The following PDE5A variants were observed in gnomAD, a reference collection of about 807,000 sequenced individuals.
PDE5A encodes the protein cGMP-specific 3',5'-cyclic phosphodiesterase.
A neutral mutation model predicts 110.2 loss-of-function variants in PDE5A; 67 were observed. The ratio of observed to expected loss-of-function variants is 0.61; its 90% CI spans 0.50 to 0.75. PDE5A has a LOEUF of 0.75. Among genes scored for constraint, PDE5A ranks in the 30% least tolerant of loss-of-function variants. PDE5A has a pLI of 0.00. For synonymous variants in PDE5A, 328 were observed against 351.2 expected (o/e 0.93, Z 0.74); for missense variants, 862 against 1,045.1 (o/e 0.82, Z 2.42).
At position 119,525,784 on chromosome 4, in the gene PDE5A, G is replaced by T; in HGVS notation, c.1633-89C>A. 1.5e-6 allele frequency: 2 copies of T among 1,298,168 alleles called. No individual in the cohort carries two copies. The highest frequency in any genetic ancestry group is 2.1e-6 in the Non-Finnish European group (2 of 941,978). 80.4% of individuals were successfully genotyped at this position (1,298,168 alleles called of 1,614,324 possible). On this transcript the variant is annotated intron_variant, in intron 11 of 20. Coordinates refer to ENST00000354960, the MANE Select transcript of PDE5A (RefSeq NM_001083.4). The surrounding 1 kb of genome is among the most constrained non-coding windows in gnomAD (Gnocchi z 4.3). ...TTTCTTGTTTTGCTGCAGAGAAATA[G>T]CATATTGTGGCTTTTTTTTCCTTTT...
chr4:119,515,188 TC>T (rs34009787), intron 14 of PDE5A, among the ~76,000 whole-genome samples: 21,865 of 152,216 alleles, frequency 0.14, 1,746 homozygotes, highest in Middle Eastern at 0.2. Context: ...GCTCTCAAGA[TC>T]TCCAACCTGA....
chr4:119,571,597 A>G (rs1728141938), intron 3 of PDE5A, among the ~76,000 whole-genome samples: 1 of 152,208 alleles, frequency 6.6e-6, no homozygotes, highest in African/African-American at 2.4e-5. Context: ...ATTTTAGCCC[A>G]CTGGGAATTA....
At chr4:119,512,268 G>A (rs757672186) in intron 14 of PDE5A, 1 of 152,070 alleles carries the variant, frequency 6.6e-6, no homozygotes, top group Non-Finnish European at 1.5e-5. Flanking sequence ...ATTGTTTAAA[G>A]TGTTGTTTAT....
At chr4:119,514,904 G>T (rs1484801528) in intron 14 of PDE5A, among the ~76,000 whole-genome samples, 1 of 152,174 alleles carries the variant, frequency 6.6e-6, no homozygotes, top group Non-Finnish European at 1.5e-5. Context: ...GGGACATAGA[G>T]AAGTTTAATG....
At chr4:119,589,905 T>G (rs537787849) in intron 3 of PDE5A, among the ~76,000 whole-genome samples, 1 of 152,334 alleles carries the variant, frequency 6.6e-6, no homozygotes, top group Admixed American at 6.5e-5. Flanking sequence ...TGCTTCTGCA[T>G]GTAGCCACAT....
intron 3 of PDE5A, among the ~76,000 whole-genome samples, chr4:119,574,337 C>G (rs1728249926): frequency 6.9e-6 from 1 of 145,498 alleles, no homozygotes; most frequent in African/African-American, 2.5e-5. Flanking sequence ...TGCCCGCCAC[C>G]ACGCCCCGGC....
chr4:119,507,396 A>T (rs1450102697), intron 16 of PDE5A, among the ~76,000 whole-genome samples: 2 of 151,944 alleles, frequency 1.3e-5, no homozygotes, highest in African/African-American at 4.8e-5. Context: ...GTAGATAAAC[A>T]TCAGAAATAA....
chr4:119,590,943 T>C (rs1027395261), intron 3 of PDE5A, among the ~76,000 whole-genome samples: 20 of 152,210 alleles, frequency 1.3e-4, no homozygotes, highest in Non-Finnish European at 2.6e-4. Flanking sequence ...ATAATCACAG[T>C]TCTTTTTAGG....
intron 6 of PDE5A, 70 bp from the exon 7 acceptor site, chr4:119,560,433 A>T: frequency 1.1e-6 from 1 of 925,478 alleles, no homozygotes; most frequent in Non-Finnish European, 1.6e-6. Context: ...ATACAGACAT[A>T]CATGCTATGG....
At chr4:119,614,937 A>C (rs1341203667) in intron 1 of PDE5A, among the ~76,000 whole-genome samples, 1 of 152,170 alleles carries the variant, frequency 6.6e-6, no homozygotes, top group Non-Finnish European at 1.5e-5. Flanking sequence ...CTGGCCTTTT[A>C]TGAAGTGTAA....
intron 5 of PDE5A, among the ~76,000 whole-genome samples, chr4:119,564,425 G>A (rs1727851980): frequency 6.6e-6 from 1 of 152,158 alleles, no homozygotes; most frequent in Non-Finnish European, 1.5e-5. Flanking sequence ...TGAGAAAGAA[G>A]TAGGGGATCC....
At chr4:119,594,023 TC>T (rs1362843987) in intron 3 of PDE5A, among the ~76,000 whole-genome samples, 1 of 152,134 alleles carries the variant, frequency 6.6e-6, no homozygotes, top group Non-Finnish European at 1.5e-5. Context: ...CTCCACCTGG[TC>T]CCGCCCTTGA....
intron 10 of PDE5A, chr4:119,541,990 G>A (rs1451448138): frequency 6.6e-6 from 1 of 152,308 alleles, no homozygotes; most frequent in Non-Finnish European, 1.5e-5. Flanking sequence ...AACTCTTCCT[G>A]CTTTTCGTTG....
chr4:119,568,380 T>C (rs17050700), intron 3 of PDE5A, among the ~76,000 whole-genome samples: 6,236 of 152,204 alleles, frequency 0.041, 178 homozygotes, highest in Middle Eastern at 0.085. Context: ...ACGGGAACTA[T>C]AATAAGAGCC....
At position 119,507,222 on chromosome 4, in the gene PDE5A, A is replaced by C. The variant is rs139741353; in HGVS notation, c.2189+382T>G. ...CAGTAACTCCTTTTCCTGCCCAACT[A>C]AGCTTGAATGACGGTATAAAGGAGT... On this transcript the variant is annotated intron_variant, in intron 16 of 20. Coordinates refer to ENST00000354960, the MANE Select transcript of PDE5A (RefSeq NM_001083.4). Among the ~76,000 whole-genome samples the C allele has an allele frequency of 1.6e-3, 237 of 152,032 alleles. 1 individual carries two copies. Among genetic ancestry groups the C allele is most frequent in the East Asian group, 6.4e-3 (33 of 5,166 alleles).
In PDE5A at chr4:119,628,556, T is replaced by G. The variant is rs1416080930; in HGVS notation, c.116A>C (p.Asp39Ala). 6.2e-7 allele frequency: 1 copy of G among 1,604,400 alleles called. No individual in the cohort carries two copies. Among genetic ancestry groups the G allele is most frequent in the South Asian group, 1.1e-5 (1 of 90,238 alleles). ...SVEAWLDDHW[D>A]FTFSYFVRKA... is the part of the protein sequence containing the mutation. ...TCTAACAAAGTATGAGAAGGTAAAG[T>G]CCCAGTGATCGTCCAGCCATGCTTC... Residue 39 changes from aspartate to alanine, a missense_variant, in exon 1 of 21, where the codon GAC becomes GCC. Transcript: ENST00000354960.
At position 119,605,219 on chromosome 4, in the gene PDE5A, C is replaced by T. The variant is rs554027605; in HGVS notation, c.741+1490G>A. Among the ~76,000 whole-genome samples, 94 of 152,256 alleles carry T rather than the reference C, an allele frequency of 6.2e-4. 5 individuals carry two copies. The highest frequency in any genetic ancestry group is 3.3e-3 in the South Asian group (16 of 4,826). ...GCTCCTTCATGTCCAGATTCTTATCCACACACTTACATGGTCCTACTTGCC... is the reference window on the plus strand; with the variant it reads ...GCTCCTTCATGTCCAGATTCTTATCTACACACTTACATGGTCCTACTTGCC... On this transcript the variant is annotated intron_variant, in intron 2 of 20. Transcript: ENST00000354960.
At position 119,502,666 on chromosome 4, in the gene PDE5A, T is replaced by C. The variant is rs200785971; in HGVS notation, c.2332-11A>G. 3 of 1,549,812 alleles carry C rather than the reference T, an allele frequency of 1.9e-6. No homozygotes were observed. The highest frequency in any genetic ancestry group is 4.5e-5 in the East Asian group (2 of 44,434). On this transcript the variant is annotated splice_polypyrimidine_tract_variant and intron_variant, in intron 18 of 20. Transcript: ENST00000354960. ...TACAAGTTCTGCTATCTGAAATAAA[T>C]AACAGACTCAGTTTTGACAATGAAA...
At chr4:119,501,012 A>G in intron 20 of PDE5A, 158 bp downstream of exon 20, 5 of 593,996 alleles carry the variant, frequency 8.4e-6, no homozygotes, top group Non-Finnish European at 1.5e-5. Context: ...TCCTTGTTCA[A>G]TACAAACATG....
Sources: allele counts gnomAD v4.1 joint callset (sites outside exome capture counted in the v4.1 genomes callset), GRCh38; gene constraint gnomAD v4.1.1; non-coding constraint Gnocchi (gnomAD v3.1); transcripts MANE v1.5; gene names NCBI Gene and HGNC (gene_info 2026-07-23, HGNC 2026-07-21).